Variants in CYP7B1 observed in about 807,000 individuals in gnomAD.
The protein encoded by CYP7B1 is cytochrome P450 family 7 subfamily B member 1, also known as cytochrome P450 7B1.
A neutral mutation model predicts 42.7 loss-of-function variants in CYP7B1; 29 were observed. The observed-to-expected ratio is 0.68, with a 90% CI of 0.51 to 0.93. The LOEUF (loss-of-function observed/expected upper bound fraction) is 0.93. Ranked by LOEUF, CYP7B1 falls within the 40% of genes least tolerant of loss-of-function variation. The probability of loss-of-function intolerance (pLI) is 0.00; values close to 1 mark genes in which losing one functional copy is unlikely to be tolerated. For synonymous variants in CYP7B1, 235 were observed against 218.2 expected, an observed-to-expected ratio of 1.08 and a Z score of -0.68; for missense variants, 655 against 600.5, an observed-to-expected ratio of 1.09 and a Z score of -0.95.
At chr8:64,681,603 T>C (rs757064830) in intron 1 of CYP7B1, among the ~76,000 whole-genome samples, 62 of 152,302 alleles carry the variant, frequency 4.1e-4, no homozygotes, top group African/African-American at 1.4e-3. Flanking sequence ...CAAGCTACTA[T>C]GTTGAGAAGA....
At chr8:64,748,720 C>A (rs1175743886) in intron 1 of CYP7B1, among the ~76,000 whole-genome samples, 1 of 152,182 alleles carries the variant, frequency 6.6e-6, no homozygotes, top group Non-Finnish European at 1.5e-5. Flanking sequence ...ATTCATACAA[C>A]AAAACCCTTA....
intron 1 of CYP7B1, among the ~76,000 whole-genome samples, chr8:64,750,280 G>A (rs921405417): frequency 1.3e-5 from 2 of 152,142 alleles, no homozygotes; most frequent in South Asian, 2.1e-4. Flanking sequence ...TAAAGAGTAC[G>A]GAAGTGAGGC....
rs919156338 is a variant in CYP7B1, at chr8:64,767,607, T to C, written c.122+30859A>G. Among the ~76,000 whole-genome samples the C allele has an allele frequency of 2.6e-5, 4 of 152,344 alleles. No homozygotes were observed. In the South Asian group the frequency reaches 8.3e-4, roughly 32 times the overall value. On this transcript the variant is annotated intron_variant, in intron 1 of 5. Coordinates refer to ENST00000310193, the MANE Select transcript of CYP7B1 (RefSeq NM_004820.5). ...CTTCACCAAACGTTTCACTTAGGCATTGATAGCACCCATCAGATGGCCAAA... is the reference window on the plus strand; with the variant it reads ...CTTCACCAAACGTTTCACTTAGGCACTGATAGCACCCATCAGATGGCCAAA...
At chr8:64,695,738 T>C (rs1460246992) in intron 1 of CYP7B1, among the ~76,000 whole-genome samples, 1 of 151,804 alleles carries the variant, frequency 6.6e-6, no homozygotes, top group Non-Finnish European at 1.5e-5. Context: ...GAAAACAGCC[T>C]GTTTCATGTT....
chr8:64,725,228 A>G (rs965276733), intron 1 of CYP7B1, among the ~76,000 whole-genome samples: 1 of 152,260 alleles, frequency 6.6e-6, no homozygotes, highest in African/African-American at 2.4e-5. Flanking sequence ...CCCAAGTCAC[A>G]TAAAATGTTG....
intron 1 of CYP7B1, among the ~76,000 whole-genome samples, chr8:64,771,581 A>C (rs1804228667): frequency 6.6e-6 from 1 of 152,214 alleles, no homozygotes; most frequent in Non-Finnish European, 1.5e-5. Context: ...GGTCAGGAGT[A>C]AAACTAAAAC....
chr8:64,793,384 T>C (rs2129729000), intron 1 of CYP7B1, among the ~76,000 whole-genome samples: 1 of 152,290 alleles, frequency 6.6e-6, no homozygotes, highest in East Asian at 1.9e-4. Flanking sequence ...CTATTTTTTT[T>C]CATTTTTGTA....
At chr8:64,669,603 C>T (rs1384081159) in intron 1 of CYP7B1, among the ~76,000 whole-genome samples, 5 of 151,664 alleles carry the variant, frequency 3.3e-5, no homozygotes, top group Non-Finnish European at 7.4e-5. Context: ...TTACCTCATT[C>T]ACAATTTTGC....
chr8:64,671,670 C>T (rs1394885160), intron 1 of CYP7B1, among the ~76,000 whole-genome samples: 1 of 152,082 alleles, frequency 6.6e-6, no homozygotes, highest in Non-Finnish European at 1.5e-5. Context: ...ACAGCTCCTG[C>T]AATCCCACAG....
intron 1 of CYP7B1, among the ~76,000 whole-genome samples, chr8:64,723,160 T>G (rs905954661): frequency 2.0e-5 from 3 of 152,184 alleles, no homozygotes; most frequent in African/African-American, 4.8e-5. Context: ...AACAAAGCAC[T>G]ACATGAGATA....
rs1004306311 is a variant in CYP7B1, at chr8:64,595,100, C to A, written c.*1542G>T. The stretch of plus-strand genomic sequence containing the variant: ...TGGATACCTTAAGAACGGGCAATAT[C>A]TTCAAAGTGCTGTGAGGAAATAACT... On this transcript the variant is annotated 3_prime_UTR_variant, in exon 6 of 6. Coordinates refer to ENST00000310193, the MANE Select transcript of CYP7B1 (RefSeq NM_004820.5). Among the ~76,000 whole-genome samples, 16 of 152,218 alleles carry A rather than the reference C, an allele frequency of 1.1e-4. No homozygotes were observed. The highest frequency in any genetic ancestry group is 3.4e-4 in the African/African-American group (14 of 41,460).
intron 1 of CYP7B1, chr8:64,704,169 ACT>A (rs1392516847): frequency 6.6e-6 from 1 of 151,752 alleles, no homozygotes; most frequent in East Asian, 1.9e-4. Context: ...AGAAATAAAA[ACT>A]CTTTTTTTAA....
intron 5 of CYP7B1, among the ~76,000 whole-genome samples, chr8:64,601,383 T>C (rs1805200188): frequency 6.6e-6 from 1 of 152,194 alleles, no homozygotes; most frequent in African/African-American, 2.4e-5. Context: ...GTTTTTTCCC[T>C]ATAAACCCCA....
intron 1 of CYP7B1, among the ~76,000 whole-genome samples, chr8:64,676,963 CA>C (rs1806455072): frequency 6.6e-6 from 1 of 151,972 alleles, no homozygotes; most frequent in Non-Finnish European, 1.5e-5. Context: ...AATTAAGAGA[CA>C]AAACTGGTAT....
chr8:64,675,487 T>C (rs1357285402), intron 1 of CYP7B1, among the ~76,000 whole-genome samples: 12 of 150,990 alleles, frequency 7.9e-5, no homozygotes, highest in Admixed American at 7.9e-4. Context: ...TTTATATTAC[T>C]TATTAAGTAT....
chr8:64,776,647 C>G (rs955744587), intron 1 of CYP7B1, among the ~76,000 whole-genome samples: 2 of 152,048 alleles, frequency 1.3e-5, no homozygotes, highest in Non-Finnish European at 2.9e-5. Context: ...AGCATATGCT[C>G]CCCCACAATA....
chr8:64,612,652 C>T (rs1045945585), intron 4 of CYP7B1, among the ~76,000 whole-genome samples: 2 of 152,016 alleles, frequency 1.3e-5, no homozygotes, highest in Admixed American at 6.6e-5. Flanking sequence ...AAAGAAGAAC[C>T]TCTTTTCTCT....
rs374868791 is a variant in CYP7B1, at chr8:64,778,242, G to A, written c.122+20224C>T. ...TTATACATGTGTGTGTATATGTAGT[G>A]TATGTATATACATATACTACATATA... On this transcript the variant is annotated intron_variant, in intron 1 of 5. Coordinates refer to ENST00000310193, the MANE Select transcript of CYP7B1 (RefSeq NM_004820.5). Among the ~76,000 whole-genome samples the A allele has an allele frequency of 2.0e-5, 3 of 146,908 alleles. No individual in the cohort carries two copies. The South Asian group carries it at 6.4e-4, about 31-fold the overall frequency.
chr8:64,670,339 A>C (rs1250446906), intron 1 of CYP7B1, among the ~76,000 whole-genome samples: 1 of 152,210 alleles, frequency 6.6e-6, no homozygotes, highest in Non-Finnish European at 1.5e-5. Context: ...AATTATGTAA[A>C]GTCTTCTAGC....
Sources: gnomAD v4.1 joint callset for allele counts (sites outside exome capture counted in the v4.1 genomes callset) on GRCh38, gnomAD v4.1.1 for gene constraint, MANE v1.5 for transcripts, NCBI Gene and HGNC (gene_info 2026-07-23, HGNC 2026-07-21) for gene names.